KDM4C: variants seen among roughly 807,000 people sequenced by gnomAD.
KDM4C encodes the protein lysine demethylase 4C.
In KDM4C, 81 loss-of-function variants were observed where a neutral mutation model predicts 129.3. That is an observed-to-expected ratio of 0.63 (90% CI 0.52 to 0.75). KDM4C has a LOEUF of 0.75. Ranked by LOEUF, KDM4C falls within the 30% of genes least tolerant of loss-of-function variation. KDM4C has a pLI of 0.00. For synonymous variants in KDM4C, 573 were observed against 456.1 expected (o/e 1.26, Z -3.26); for missense variants, 1,457 against 1,304.0 (o/e 1.12, Z -1.81).
chr9:7,148,830 G>T (rs1371555796), intron 19 of KDM4C, among the ~76,000 whole-genome samples: 1 of 152,140 alleles, frequency 6.6e-6, no homozygotes, highest in Non-Finnish European at 1.5e-5. Flanking sequence ...GTTTTTATGG[G>T]GTCAGAATGG....
intron 5 of KDM4C, among the ~76,000 whole-genome samples, chr9:6,858,075 C>T (rs1840212704): frequency 6.6e-6 from 1 of 152,054 alleles, no homozygotes; most frequent in East Asian, 1.9e-4. Context: ...CCTGCCTTGG[C>T]TTCCCAAAGT....
At chr9:6,967,146 G>A (rs1359029476) in intron 8 of KDM4C, among the ~76,000 whole-genome samples, 1 of 152,076 alleles carries the variant, frequency 6.6e-6, no homozygotes, top group African/African-American at 2.4e-5. Context: ...ACTCCTGGCC[G>A]GGCATGGTGG....
At chr9:7,069,480 C>T (rs1432065856) in intron 17 of KDM4C, among the ~76,000 whole-genome samples, 1 of 152,130 alleles carries the variant, frequency 6.6e-6, no homozygotes, top group Non-Finnish European at 1.5e-5. Flanking sequence ...CCACTGCACT[C>T]CACCCTAGGC....
chr9:6,883,849 C>A (rs1390768822), intron 6 of KDM4C, among the ~76,000 whole-genome samples: 1 of 151,792 alleles, frequency 6.6e-6, no homozygotes, highest in African/African-American at 2.4e-5. Context: ...GTGACTTGTG[C>A]GTAGATTATC....
intron 12 of KDM4C, among the ~76,000 whole-genome samples, chr9:7,003,807 A>C (rs1050658091): frequency 1.3e-5 from 2 of 152,196 alleles, no homozygotes; most frequent in African/African-American, 4.8e-5. Flanking sequence ...CAAAAAAATC[A>C]CTTAAATATA....
intron 17 of KDM4C, among the ~76,000 whole-genome samples, chr9:7,092,376 G>A (rs959853584): frequency 6.6e-5 from 10 of 152,122 alleles, no homozygotes; most frequent in Non-Finnish European, 1.3e-4. Context: ...AATCTGCTTT[G>A]ATGGCAGTAT....
In KDM4C at chr9:7,058,747, G is replaced by A. The variant is rs1156720910; in HGVS notation, c.2424+9547G>A. On this transcript the variant is annotated intron_variant, in intron 17 of 21. Coordinates refer to ENST00000381309, the MANE Select transcript of KDM4C (RefSeq NM_015061.6). ...TGTTTACATTCCGTGTGATACGATA[G>A]GAAATACTTAGAAAGCACTTCCACT... 2.6e-5 allele frequency among the ~76,000 whole-genome samples: 4 copies of A among 152,316 alleles called. No homozygotes were observed. In the East Asian group the frequency reaches 7.7e-4, roughly 29 times the overall value.
chr9:7,159,441 A>G (rs1294521478), intron 19 of KDM4C, among the ~76,000 whole-genome samples: 1 of 151,884 alleles, frequency 6.6e-6, no homozygotes, highest in Non-Finnish European at 1.5e-5. Context: ...GGTCTTTACA[A>G]TTTCTCATGT....
In KDM4C at chr9:7,086,795, C is replaced by G. The variant is rs1280337698; in HGVS notation, c.2425-16890C>G. 2.0e-5 allele frequency among the ~76,000 whole-genome samples: 3 copies of G among 152,332 alleles called. No homozygotes were observed. In the South Asian group the frequency reaches 6.2e-4, roughly 32 times the overall value. ...TATAAAGACAGTTACAAGGACAGTTCTTTTCTATATCCCAACTCTCAAACA... is the reference window on the plus strand; with the variant it reads ...TATAAAGACAGTTACAAGGACAGTTGTTTTCTATATCCCAACTCTCAAACA... On this transcript the variant is annotated intron_variant, in intron 17 of 21. Coordinates refer to ENST00000381309, the MANE Select transcript of KDM4C (RefSeq NM_015061.6).
intron 17 of KDM4C, among the ~76,000 whole-genome samples, chr9:7,083,964 T>C (rs968179999): frequency 2.6e-5 from 4 of 152,166 alleles, no homozygotes; most frequent in Non-Finnish European, 5.9e-5. Flanking sequence ...TGGAGAATTA[T>C]AGTGTGCAGG....
At position 7,109,273 on chromosome 9, in the gene KDM4C, A is replaced by G. The variant is rs545519775; in HGVS notation, c.2610+5403A>G. ...TTATCCATGCTTCTCATTTTAATAA[A>G]ATTTTTATAAACATGAAGATGCCCT... is the stretch of plus-strand genomic sequence containing the variant. On this transcript the variant is annotated intron_variant, in intron 18 of 21. Coordinates refer to ENST00000381309, the MANE Select transcript of KDM4C (RefSeq NM_015061.6). Among the ~76,000 whole-genome samples, 3 of 152,348 alleles carry G rather than the reference A, an allele frequency of 2.0e-5. No homozygotes were observed. The East Asian group carries it at 5.8e-4, about 29-fold the overall frequency.
At chr9:6,821,831 C>T (rs944413952) in intron 4 of KDM4C, among the ~76,000 whole-genome samples, 33 of 152,114 alleles carry the variant, frequency 2.2e-4, no homozygotes, top group Middle Eastern at 3.2e-3. Context: ...GACCGTGATT[C>T]GCCATGTTGG....
chr9:6,837,376 G>T (rs1045005251), intron 4 of KDM4C, among the ~76,000 whole-genome samples: 1 of 152,122 alleles, frequency 6.6e-6, no homozygotes, highest in Non-Finnish European at 1.5e-5. Context: ...TATTAAGACA[G>T]CTTTATTGAG....
chr9:7,164,595 C>G (rs1202227132), intron 19 of KDM4C, among the ~76,000 whole-genome samples: 1 of 152,184 alleles, frequency 6.6e-6, no homozygotes, highest in East Asian at 1.9e-4. Context: ...CACACCCACC[C>G]AGCTCCACCC....
chr9:7,065,562 C>A (rs764288362), intron 17 of KDM4C, among the ~76,000 whole-genome samples: 7 of 152,128 alleles, frequency 4.6e-5, no homozygotes, highest in Non-Finnish European at 8.8e-5. Flanking sequence ...TCATGACATT[C>A]TGGCAAAGGT....
chr9:7,119,382 C>G (rs143912966), intron 18 of KDM4C, among the ~76,000 whole-genome samples: 90 of 152,222 alleles, frequency 5.9e-4, no homozygotes, highest in Non-Finnish European at 1.1e-3. Flanking sequence ...TTCATTAATT[C>G]TAGCACAAAT....
At position 7,174,808 on chromosome 9, in the gene KDM4C, G is replaced by T; in HGVS notation, c.*79G>T. The stretch of plus-strand genomic sequence containing the variant: ...GAAGGGACATCCTTGGGGCTGTGCC[G>T]TGAGTTTTGCTGGCATAGGTGACAG... On this transcript the variant is annotated 3_prime_UTR_variant, in exon 22 of 22. Coordinates refer to ENST00000381309, the MANE Select transcript of KDM4C (RefSeq NM_015061.6). The T allele has an allele frequency of 1.5e-6, 2 of 1,310,478 alleles. No individual in the cohort carries two copies. Among genetic ancestry groups the T allele is most frequent in the Non-Finnish European group, 2.1e-6 (2 of 932,100 alleles). The allele number at this position is 1,310,478 out of a possible 1,614,324, so 81.2% of individuals were successfully genotyped here. A position where few individuals can be genotyped will look rare whatever the true frequency, so the allele number is the denominator to read the frequency against.
chr9:6,878,378 A>C (rs570108293), intron 5 of KDM4C, among the ~76,000 whole-genome samples: 1 of 152,334 alleles, frequency 6.6e-6, no homozygotes, highest in Admixed American at 6.5e-5. Flanking sequence ...ATCTAAAAGA[A>C]GAAAAGTAGA....
At chr9:6,734,056 C>T (rs937348613) in intron 1 of KDM4C, among the ~76,000 whole-genome samples, 1 of 152,112 alleles carries the variant, frequency 6.6e-6, no homozygotes, top group African/African-American at 2.4e-5. Flanking sequence ...ACTTAGAATG[C>T]GTTAACCGTC....
Sources: allele counts gnomAD v4.1 joint callset (sites outside exome capture counted in the v4.1 genomes callset), GRCh38; gene constraint gnomAD v4.1.1; transcripts MANE v1.5; gene names NCBI Gene and HGNC (gene_info 2026-07-23, HGNC 2026-07-21).